Variants in HEPHL1 observed in about 807,000 individuals in gnomAD.
The protein encoded by HEPHL1 is ferroxidase HEPHL1.
A neutral mutation model predicts 122.0 loss-of-function variants in HEPHL1; 123 were observed. That is an observed-to-expected ratio of 1.01 (90% CI 0.87 to 1.17). The LOEUF is 1.17. HEPHL1 is among the 50% of genes most tolerant of loss of function. HEPHL1 has a pLI of 0.00. For missense variants in HEPHL1, 1,452 were observed against 1,430.5 expected (o/e 1.01, Z -0.24); for synonymous variants, 527 against 508.9 (o/e 1.04, Z -0.48).
At chr11:94,035,148 C>T (rs1262417694) in intron 1 of HEPHL1, among the ~76,000 whole-genome samples, 1 of 152,180 alleles carries the variant, frequency 6.6e-6, no homozygotes, top group Non-Finnish European at 1.5e-5. Context: ...ACCTCTAATT[C>T]TCTCACCTGG....
At chr11:94,086,552 T>A (rs1193605402) in intron 11 of HEPHL1, among the ~76,000 whole-genome samples, 1 of 152,232 alleles carries the variant, frequency 6.6e-6, no homozygotes, top group Non-Finnish European at 1.5e-5. Context: ...CTGAAGCATC[T>A]ACCAGGCATG....
chr11:94,057,350 C>T (rs1476144216), intron 2 of HEPHL1, among the ~76,000 whole-genome samples: 1 of 152,038 alleles, frequency 6.6e-6, no homozygotes, highest in Non-Finnish European at 1.5e-5. Flanking sequence ...ATTTATCCCA[C>T]ACTTTCTTTT....
chr11:94,074,069 A>C (rs1196098577), intron 8 of HEPHL1, among the ~76,000 whole-genome samples: 2 of 152,074 alleles, frequency 1.3e-5, no homozygotes, highest in Admixed American at 6.6e-5. Flanking sequence ...CTTGGTACTC[A>C]TCCCTATTAC....
At chr11:94,105,618 C>T (rs1012497296) in intron 16 of HEPHL1, among the ~76,000 whole-genome samples, 1 of 152,182 alleles carries the variant, frequency 6.6e-6, no homozygotes, top group Non-Finnish European at 1.5e-5. Context: ...TTCTAAGTCA[C>T]TCAATTTTTA....
In HEPHL1 at chr11:94,079,515, C is replaced by A. The variant is rs146889572; in HGVS notation, c.1717-2903C>A. Among the ~76,000 whole-genome samples, 726 of 152,222 alleles carry A rather than the reference C, an allele frequency of 4.8e-3. 12 individuals carry two copies. Among genetic ancestry groups the A allele is most frequent in the African/African-American group, 0.017 (687 of 41,540 alleles). On this transcript the variant is annotated intron_variant, in intron 9 of 19. Transcript: ENST00000315765. ...AATAGTAGGCGCAAGGAGTACTCAC[C>A]TCGTTGATGAGGAGTTAGGAAAGCA...
rs11020644 is a variant in HEPHL1, at chr11:94,059,692, C to T, written c.416-3816C>T. ...TAATAAATTACCTATCTCCAAGTCACGTCTTCCTTTATATTTATACTTTAT... is the reference window on the plus strand; with the variant it reads ...TAATAAATTACCTATCTCCAAGTCATGTCTTCCTTTATATTTATACTTTAT... On this transcript the variant is annotated intron_variant, in intron 2 of 19. Transcript: ENST00000315765. Among the ~76,000 whole-genome samples the T allele has an allele frequency of 4.9e-3, 747 of 152,184 alleles. 8 individuals are homozygous for T. The highest frequency in any genetic ancestry group is 0.039 in the East Asian group (201 of 5,174).
intron 16 of HEPHL1, 41 bp downstream of exon 16, chr11:94,104,791 C>A: frequency 7.0e-7 from 1 of 1,425,248 alleles, no homozygotes; most frequent in Non-Finnish European, 9.7e-7. Flanking sequence ...TTGAGATAAG[C>A]TCATAGGAAT....
intron 1 of HEPHL1, among the ~76,000 whole-genome samples, chr11:94,033,936 G>A (rs1945698997): frequency 6.6e-6 from 1 of 152,328 alleles, no homozygotes; most frequent in African/African-American, 2.4e-5. Context: ...AGGAGGAAAA[G>A]AGGAAGAGTG....
intron 10 of HEPHL1, 50 bp from the exon 11 acceptor site, chr11:94,085,927 C>G: frequency 7.5e-7 from 1 of 1,325,154 alleles, no homozygotes; most frequent in Non-Finnish European, 1.1e-6. Context: ...TGAAGCTCCC[C>G]TGCCCCATAC....
chr11:94,073,203 G>A (rs757605300), intron 7 of HEPHL1, 39 bp downstream of exon 7: 34 of 1,610,924 alleles, frequency 2.1e-5, no homozygotes, highest in African/African-American at 6.7e-5. Context: ...AACCCAGGGA[G>A]ATGTTTTAGC....
At chr11:94,110,834 C>T in intron 17 of HEPHL1, 69 bp from the exon 18 acceptor site, 3 of 1,303,494 alleles carry the variant, frequency 2.3e-6, no homozygotes, top group South Asian at 1.5e-5. Flanking sequence ...TGTTTTTGCT[C>T]TTCTTTCTGT....
At chr11:94,078,476 T>TATATATATATAC (rs1946144722) in intron 9 of HEPHL1, among the ~76,000 whole-genome samples, 1 of 125,836 alleles carries the variant, frequency 7.9e-6, no homozygotes, top group South Asian at 2.6e-4. Context: ...TATATATATA[T>TATATATATATAC]GGAGAAAGAG....
Position 94,093,573 on chromosome 11 carries a change from A to T in HEPHL1, c.2367A>T (p.Glu789Asp). ...GSQYKKVVYR[E>D]YTDGEFVEIK... ...AGTACAAGAAGGTGGTTTACAGGGA[A>T]TATACGGATGGAGAATTTGTGGAGA... Residue 789 changes from glutamate to aspartate, a missense_variant, in exon 13 of 20, where the codon GAA becomes GAT. Transcript: ENST00000315765. 1.9e-6 allele frequency: 3 copies of T among 1,613,914 alleles called. No homozygotes were observed. Among genetic ancestry groups the T allele is most frequent in the Non-Finnish European group, 2.5e-6 (3 of 1,179,872 alleles).
At chr11:94,090,020 C>A (rs1176012270) in intron 12 of HEPHL1, among the ~76,000 whole-genome samples, 1 of 152,070 alleles carries the variant, frequency 6.6e-6, no homozygotes, top group African/African-American at 2.4e-5. Flanking sequence ...CCTATCTTAA[C>A]ACAAGTATTT....
chr11:94,092,189 C>T (rs11020648), intron 12 of HEPHL1, among the ~76,000 whole-genome samples: 2 of 152,240 alleles, frequency 1.3e-5, no homozygotes, highest in East Asian at 3.9e-4. Context: ...GGGTGGGTCT[C>T]ACTGTATTTT....
chr11:94,036,877 G>C (rs768808943), intron 1 of HEPHL1, among the ~76,000 whole-genome samples: 38 of 150,046 alleles, frequency 2.5e-4, no homozygotes, highest in Non-Finnish European at 4.4e-4. Flanking sequence ...CAAGATGGCC[G>C]AATAGGAACA....
intron 1 of HEPHL1, among the ~76,000 whole-genome samples, chr11:94,042,872 T>TAAAAAAAAAAAAAAAAAAAAA (rs1181820453): frequency 8.3e-4 from 1 of 1,202 alleles, no homozygotes; most frequent in Non-Finnish European, 1.9e-3. Context: ...ACTTAAAGTA[T>TAAAAAAAAAAAAAAAAAAAAA]AATAAAAAAA....
At chr11:94,058,312 T>G (rs908312648) in intron 2 of HEPHL1, among the ~76,000 whole-genome samples, 1 of 152,162 alleles carries the variant, frequency 6.6e-6, no homozygotes, top group Non-Finnish European at 1.5e-5. Flanking sequence ...TTGTCTAACT[T>G]TATAGTTGCT....
rs201995404 is a variant in HEPHL1, at chr11:94,110,942, C to T, written c.3085C>T (p.Pro1029Ser). 754 of 1,612,932 alleles carry T rather than the reference C, an allele frequency of 4.7e-4. 2 individuals are homozygous for T. The highest frequency in any genetic ancestry group is 1.5e-3 in the Middle Eastern group (9 of 6,082). ...SYREDVYDLF[P>S]GTFQTIELFA... ...CCGAGAAGATGTGTATGATCTCTTT[C>T]CTGGGACATTCCAAACCATTGAACT... The change falls in exon 18 of 20, where the codon CCT becomes TCT. Residue 1029 changes from proline (P) to serine (S), a missense_variant. Physicochemically the swap from Pro to Ser is moderately conservative, Grantham distance 74. Coordinates refer to ENST00000315765, the MANE Select transcript of HEPHL1 (RefSeq NM_001098672.2).
Sources: gnomAD v4.1 joint callset for allele counts (sites outside exome capture counted in the v4.1 genomes callset) on GRCh38, gnomAD v4.1.1 for gene constraint, MANE v1.5 for transcripts, NCBI Gene and HGNC (gene_info 2026-07-23, HGNC 2026-07-21) for gene names.